CSMD1: variants seen among roughly 807,000 people sequenced by gnomAD.
The protein encoded by CSMD1 is CUB and sushi domain-containing protein 1.
A neutral mutation model predicts 417.5 loss-of-function variants in CSMD1; 213 were observed. The observed-to-expected ratio is 0.51, with a 90% CI of 0.46 to 0.57. The LOEUF (loss-of-function observed/expected upper bound fraction) is 0.57, where lower values mean the gene tolerates loss of function less well. CSMD1 is among the 20% of genes least tolerant of loss of function. CSMD1 has a pLI of 0.00. For synonymous variants in CSMD1, 2,862 were observed against 1,736.8 expected (o/e 1.65, Z -16.11); for missense variants, 6,923 against 4,529.7 (o/e 1.53, Z -15.17).
intron 21 of CSMD1, among the ~76,000 whole-genome samples, chr8:3,350,171 A>G (rs1320440891): frequency 7.9e-6 from 1 of 125,946 alleles, no homozygotes. Context: ...GTGTTATAAT[A>G]CCTATAATAA....
intron 3 of CSMD1, among the ~76,000 whole-genome samples, chr8:4,405,427 G>A (rs905591221): frequency 6.6e-6 from 1 of 151,704 alleles, no homozygotes; most frequent in African/African-American, 2.4e-5. Context: ...AACCTCAGTT[G>A]TCAATTGTAA....
chr8:4,679,082 T>C (rs1805872337), intron 1 of CSMD1, among the ~76,000 whole-genome samples: 1 of 152,188 alleles, frequency 6.6e-6, no homozygotes, highest in African/African-American at 2.4e-5. Flanking sequence ...CTCCCTCAGG[T>C]AGCCTCACAT....
At chr8:2,958,207 C>G (rs1214848154) in intron 62 of CSMD1, among the ~76,000 whole-genome samples, 1 of 152,128 alleles carries the variant, frequency 6.6e-6, no homozygotes, top group African/African-American at 2.4e-5. Flanking sequence ...TGGTCAACTC[C>G]TACTCATACA....
chr8:4,101,767 G>A (rs540854485), intron 3 of CSMD1, among the ~76,000 whole-genome samples: 6 of 152,178 alleles, frequency 3.9e-5, no homozygotes, highest in African/African-American at 1.4e-4. Context: ...TTTTGCTTAG[G>A]ACAGCAAATG....
At chr8:3,933,623 C>G (rs1026285633) in intron 5 of CSMD1, among the ~76,000 whole-genome samples, 1 of 152,064 alleles carries the variant, frequency 6.6e-6, no homozygotes, top group Non-Finnish European at 1.5e-5. Context: ...TGGTAAGATA[C>G]TGTTAGTCTC....
At chr8:3,623,270 G>A (rs186824303) in intron 7 of CSMD1, among the ~76,000 whole-genome samples, 2 of 152,118 alleles carry the variant, frequency 1.3e-5, no homozygotes, top group South Asian at 4.1e-4. Flanking sequence ...GACTCTGCAG[G>A]GCAGTAAAGA....
At chr8:4,652,091 A>AT (rs1291761222) in intron 1 of CSMD1, among the ~76,000 whole-genome samples, 1 of 152,142 alleles carries the variant, frequency 6.6e-6, no homozygotes, top group Non-Finnish European at 1.5e-5. Context: ...CTTTAACACA[A>AT]TTTTTTTCCA....
chr8:4,218,507 A>G (rs1169926803), intron 3 of CSMD1, among the ~76,000 whole-genome samples: 3 of 152,220 alleles, frequency 2.0e-5, no homozygotes, highest in Admixed American at 6.5e-5. Context: ...CTAATAAATA[A>G]TATTTGCATT....
intron 3 of CSMD1, among the ~76,000 whole-genome samples, chr8:4,313,406 G>C (rs1387500962): frequency 6.6e-6 from 1 of 151,490 alleles, no homozygotes; most frequent in South Asian, 2.1e-4. Context: ...TGCGTTTAGT[G>C]TGAAGATGCC....
chr8:4,697,925 G>A (rs1053734955), intron 1 of CSMD1, among the ~76,000 whole-genome samples: 4 of 152,020 alleles, frequency 2.6e-5, no homozygotes, highest in Admixed American at 2.6e-4. Context: ...TGCCAACCAC[G>A]TTTAAAACAT....
chr8:4,320,193 T>C (rs1445044329), intron 3 of CSMD1, among the ~76,000 whole-genome samples: 1 of 152,042 alleles, frequency 6.6e-6, no homozygotes, highest in Non-Finnish European at 1.5e-5. Flanking sequence ...CTTAACAAGG[T>C]AAAATGTGTG....
At chr8:3,597,263 G>A (rs1801138665) in intron 8 of CSMD1, among the ~76,000 whole-genome samples, 1 of 152,124 alleles carries the variant, frequency 6.6e-6, no homozygotes, top group South Asian at 2.1e-4. Flanking sequence ...AGAGGCACCG[G>A]TGAGACAGAG....
chr8:4,955,628 G>A (rs1208377175), intron 1 of CSMD1, among the ~76,000 whole-genome samples: 1 of 152,002 alleles, frequency 6.6e-6, no homozygotes, highest in Non-Finnish European at 1.5e-5. Context: ...GCTAATTTTT[G>A]TATTTTTAAT....
intron 3 of CSMD1, among the ~76,000 whole-genome samples, chr8:4,196,273 G>A (rs187752161): frequency 1.3e-5 from 2 of 152,158 alleles, no homozygotes; most frequent in East Asian, 1.9e-4. Context: ...ACTCTTTTGT[G>A]GTCATTGAGT....
intron 3 of CSMD1, among the ~76,000 whole-genome samples, chr8:4,166,504 A>C (rs555849041): frequency 6.6e-6 from 1 of 152,310 alleles, no homozygotes; most frequent in East Asian, 1.9e-4. Context: ...GTAACTCAGG[A>C]ATGGAAAAGC....
At chr8:3,854,381 T>G (rs1175332431) in intron 5 of CSMD1, among the ~76,000 whole-genome samples, 2 of 152,044 alleles carry the variant, frequency 1.3e-5, no homozygotes, top group African/African-American at 4.8e-5. Context: ...ACACAGATAA[T>G]GAATTAAAGT....
chr8:3,957,683 G>C (rs909057493), intron 5 of CSMD1, among the ~76,000 whole-genome samples: 7 of 150,272 alleles, frequency 4.7e-5, no homozygotes, highest in Admixed American at 4.0e-4. Flanking sequence ...GCAAGACCAT[G>C]TCGGAAAAAA....
At chr8:3,812,881 G>C (rs1801161479) in intron 5 of CSMD1, among the ~76,000 whole-genome samples, 1 of 152,188 alleles carries the variant, frequency 6.6e-6, no homozygotes, top group African/African-American at 2.4e-5. Context: ...CCAGTTTAAT[G>C]ACATGCCAGC....
chr8:3,726,910 G>C (rs998555493), intron 6 of CSMD1, among the ~76,000 whole-genome samples: 1 of 152,170 alleles, frequency 6.6e-6, no homozygotes, highest in African/African-American at 2.4e-5. Context: ...TATCTGTTTA[G>C]CATCATACAC....
Sources: gnomAD v4.1 joint callset for allele counts (sites outside exome capture counted in the v4.1 genomes callset) on GRCh38, gnomAD v4.1.1 for gene constraint, MANE v1.5 for transcripts, NCBI Gene and HGNC (gene_info 2026-07-23, HGNC 2026-07-21) for gene names.